Variants in DYM observed in about 807,000 individuals in gnomAD.
DYM encodes the protein dyggve-Melchior-Clausen syndrome protein.
A neutral mutation model predicts 93.1 loss-of-function variants in DYM; 78 were observed. That is an observed-to-expected ratio of 0.84 (90% CI 0.70 to 1.01). The LOEUF is 1.01. Ranked by LOEUF, DYM falls within the 50% of genes least tolerant of loss-of-function variation. The probability of loss-of-function intolerance (pLI) is 0.00; values close to 1 mark genes in which losing one functional copy is unlikely to be tolerated. For synonymous variants in DYM, 321 were observed against 319.7 expected (o/e 1.00, Z -0.04); for missense variants, 789 against 845.0 (o/e 0.93, Z 0.82).
chr18:49,059,595 A>G (rs2075784119), intron 17 of DYM, among the ~76,000 whole-genome samples: 1 of 152,160 alleles, frequency 6.6e-6, no homozygotes, highest in South Asian at 2.1e-4. Flanking sequence ...CTGTTCCGGA[A>G]GTCAGGCCTG....
At chr18:49,289,404 T>TAAAAAAA (rs56240607) in intron 8 of DYM, among the ~76,000 whole-genome samples, 13 of 33,506 alleles carry the variant, frequency 3.9e-4, no homozygotes, top group African/African-American at 1.2e-3. Flanking sequence ...TACAAATCAG[T>TAAAAAAA]AAAAAAAAAA....
At chr18:49,154,738 T>C (rs2086196588) in intron 15 of DYM, among the ~76,000 whole-genome samples, 3 of 151,630 alleles carry the variant, frequency 2.0e-5, no homozygotes, top group Non-Finnish European at 4.4e-5. Context: ...ATTATCTTAA[T>C]GGAGGAATGG....
chr18:49,444,776 G>C (rs908755086), intron 1 of DYM, among the ~76,000 whole-genome samples: 2 of 152,300 alleles, frequency 1.3e-5, no homozygotes, highest in African/African-American at 4.8e-5. Flanking sequence ...ATCAAGAAAA[G>C]AGTCTAAAAG....
At chr18:49,145,108 C>CATATATATATATATATATAT (rs56212722) in intron 15 of DYM, among the ~76,000 whole-genome samples, 1,007 of 18,358 alleles carry the variant, frequency 0.055, 46 homozygotes, top group African/African-American at 0.069. Flanking sequence ...CAAAAAAATT[C>CATATATATATATATATATAT]ATATATATAT....
At chr18:49,446,993 A>G (rs2148663143) in intron 1 of DYM, among the ~76,000 whole-genome samples, 1 of 151,536 alleles carries the variant, frequency 6.6e-6, no homozygotes, top group East Asian at 2.0e-4. Flanking sequence ...CGGGAGGTAG[A>G]GGCTGCAGTG....
chr18:49,185,123 A>C (rs2090318368), intron 14 of DYM, among the ~76,000 whole-genome samples: 2 of 152,232 alleles, frequency 1.3e-5, no homozygotes, highest in South Asian at 4.1e-4. Flanking sequence ...GACATGTTCA[A>C]GTTGAATTAC....
At chr18:49,224,057 G>A (rs2093449515) in intron 13 of DYM, among the ~76,000 whole-genome samples, 1 of 152,072 alleles carries the variant, frequency 6.6e-6, no homozygotes, top group Non-Finnish European at 1.5e-5. Context: ...CTGCAGGAGA[G>A]TAGGCACTAA....
At chr18:49,074,863 T>C (rs1158885822) in intron 17 of DYM, among the ~76,000 whole-genome samples, 1 of 152,240 alleles carries the variant, frequency 6.6e-6, no homozygotes, top group Non-Finnish European at 1.5e-5. Context: ...GTGGTTGCTT[T>C]CAGATCGTCT....
intron 2 of DYM, among the ~76,000 whole-genome samples, chr18:49,422,450 T>C (rs1340629074): frequency 6.6e-6 from 1 of 151,970 alleles, no homozygotes; most frequent in African/African-American, 2.4e-5. Context: ...ACATGCCAAA[T>C]TGTAAAGACC....
Position 49,040,889 on chromosome 18 carries a change from AG to A in DYM, c.*3165del, listed in dbSNP as rs1267878981. Among the ~76,000 whole-genome samples the A allele has an allele frequency of 1.3e-5, 2 of 152,256 alleles. No individual in the cohort carries two copies. The highest frequency in any genetic ancestry group is 4.8e-5 in the African/African-American group (2 of 41,474). ...TATATTAACAATTCCAGTGCTTAAA[AG>A]TTTCCCTCACTAAATATTTCTCTTG... On this transcript the variant is annotated 3_prime_UTR_variant, in exon 18 of 18. Coordinates refer to ENST00000675505, the MANE Select transcript of DYM (RefSeq NM_001353214.3).
At chr18:49,113,543 C>A (rs1668504472) in intron 16 of DYM, among the ~76,000 whole-genome samples, 1 of 152,150 alleles carries the variant, frequency 6.6e-6, no homozygotes, top group South Asian at 2.1e-4. Flanking sequence ...TGCTAAATGT[C>A]TTAACCAAAA....
intron 5 of DYM, among the ~76,000 whole-genome samples, chr18:49,369,360 G>C (rs993624528): frequency 2.0e-5 from 3 of 152,164 alleles, no homozygotes; most frequent in African/African-American, 4.8e-5. Flanking sequence ...GGGAAGGGGG[G>C]TGGCCTCCTA....
chr18:49,385,391 T>G (rs1440908282), intron 3 of DYM, among the ~76,000 whole-genome samples: 2 of 152,186 alleles, frequency 1.3e-5, no homozygotes, highest in Non-Finnish European at 2.9e-5. Flanking sequence ...TTATTTACTG[T>G]GAAGTATTTA....
chr18:49,212,667 T>A (rs886898237), intron 13 of DYM, among the ~76,000 whole-genome samples: 1 of 152,154 alleles, frequency 6.6e-6, no homozygotes, highest in Non-Finnish European at 1.5e-5. Flanking sequence ...AGCTAATTTT[T>A]AAAATTTTTA....
At position 49,292,876 on chromosome 18, in the gene DYM, A is replaced by G. The variant is rs539867327; in HGVS notation, c.764-6260T>C. Among the ~76,000 whole-genome samples the G allele has an allele frequency of 2.0e-5, 3 of 152,206 alleles. No individual in the cohort carries two copies. The East Asian group carries it at 5.8e-4, about 29-fold the overall frequency. ...GTTATGGGATACATGTACAGAAGGTACAGGTTTGTTACATAGGTATACACG... is the reference window on the plus strand; with the variant it reads ...GTTATGGGATACATGTACAGAAGGTGCAGGTTTGTTACATAGGTATACACG... On this transcript the variant is annotated intron_variant, in intron 8 of 17. Coordinates refer to ENST00000675505, the MANE Select transcript of DYM (RefSeq NM_001353214.3).
At chr18:49,424,079 G>A (rs992761778) in intron 2 of DYM, among the ~76,000 whole-genome samples, 7 of 152,116 alleles carry the variant, frequency 4.6e-5, no homozygotes, top group African/African-American at 1.7e-4. Flanking sequence ...CCAAAGCCTG[G>A]CAGAGACACA....
chr18:49,249,703 C>G (rs183544933), intron 13 of DYM, among the ~76,000 whole-genome samples: 1 of 151,824 alleles, frequency 6.6e-6, no homozygotes, highest in South Asian at 2.1e-4. Context: ...TATGTGTCAT[C>G]ATGAGTGCAG....
At chr18:49,369,148 C>A (rs1214365530) in intron 5 of DYM, among the ~76,000 whole-genome samples, 1 of 152,234 alleles carries the variant, frequency 6.6e-6, no homozygotes, top group Admixed American at 6.5e-5. Context: ...ATCCACTAAT[C>A]TGGCAGGAAA....
chr18:49,321,352 A>G, intron 8 of DYM: 1 of 398,236 alleles, frequency 2.5e-6, no homozygotes, highest in Non-Finnish European at 4.4e-6. Context: ...GTAGCATGAA[A>G]GAGGCCATCA....
Sources: allele counts gnomAD v4.1 joint callset (sites outside exome capture counted in the v4.1 genomes callset), GRCh38; gene constraint gnomAD v4.1.1; transcripts MANE v1.5; gene names NCBI Gene and HGNC (gene_info 2026-07-23, HGNC 2026-07-21).